PTPRN2: variants seen among roughly 807,000 people sequenced by gnomAD.
PTPRN2 encodes protein tyrosine phosphatase receptor type N2.
Under a neutral mutation model 118.8 loss-of-function variants are expected in PTPRN2, and 74 were observed. The ratio of observed to expected loss-of-function variants is 0.62; its 90% CI spans 0.52 to 0.76. The LOEUF (loss-of-function observed/expected upper bound fraction) is 0.76. Among genes scored for constraint, PTPRN2 ranks in the 30% least tolerant of loss-of-function variants. PTPRN2 has a pLI of 0.00. For missense variants in PTPRN2, 1,481 were observed against 1,394.4 expected (o/e 1.06, Z -0.99); for synonymous variants, 641 against 608.0 (o/e 1.05, Z -0.80).
At chr7:157,906,320 G>C (rs374883046) in intron 11 of PTPRN2, among the ~76,000 whole-genome samples, 16 of 152,248 alleles carry the variant, frequency 1.1e-4, no homozygotes, top group African/African-American at 3.6e-4. Context: ...GCCCAGGCGA[G>C]CTGCCGTGTC....
intron 22 of PTPRN2, among the ~76,000 whole-genome samples, chr7:157,548,170 C>T (rs1402190835): frequency 6.6e-6 from 1 of 152,088 alleles, no homozygotes; most frequent in African/African-American, 2.4e-5. Flanking sequence ...GAGCTGAGAT[C>T]GTGCCACTGC....
chr7:158,291,851 AAG>A (rs1800141720), intron 3 of PTPRN2, among the ~76,000 whole-genome samples: 1 of 152,210 alleles, frequency 6.6e-6, no homozygotes, highest in Non-Finnish European at 1.5e-5. Flanking sequence ...TTAACTCAAG[AAG>A]AGAGAGATGA....
At chr7:158,458,561 G>C (rs1030852344) in intron 2 of PTPRN2, among the ~76,000 whole-genome samples, 1 of 152,012 alleles carries the variant, frequency 6.6e-6, no homozygotes, top group South Asian at 2.1e-4. Flanking sequence ...GATGTCCCAC[G>C]AAGTCGACCG....
intron 11 of PTPRN2, among the ~76,000 whole-genome samples, chr7:157,983,687 C>G (rs1183251570): frequency 6.6e-6 from 1 of 152,178 alleles, no homozygotes; most frequent in African/African-American, 2.4e-5. Context: ...CACACGTGAG[C>G]TTGTGAGTGT....
rs115194143 is a variant in PTPRN2, at chr7:158,229,710, G to C, written c.278-24437C>G. On this transcript the variant is annotated intron_variant, in intron 3 of 22. Transcript: ENST00000389418. The stretch of plus-strand genomic sequence containing the variant: ...CAATCAGGGATGGAAAAAGAACAAA[G>C]AATGAAGAGGGATGAAGACCACTTG... Among the ~76,000 whole-genome samples the C allele has an allele frequency of 3.7e-3, 567 of 151,896 alleles. 4 individuals carry two copies. Among genetic ancestry groups the C allele is most frequent in the African/African-American group, 0.013 (546 of 41,474 alleles).
At chr7:157,572,536 G>T (rs978202052) in intron 19 of PTPRN2, among the ~76,000 whole-genome samples, 2 of 152,238 alleles carry the variant, frequency 1.3e-5, no homozygotes, top group Admixed American at 6.5e-5. Context: ...TGGAAGGAGA[G>T]GGGAGGTGAG....
chr7:158,186,549 C>T (rs1412329646), intron 5 of PTPRN2, among the ~76,000 whole-genome samples: 2 of 150,782 alleles, frequency 1.3e-5, no homozygotes, highest in African/African-American at 4.9e-5. Flanking sequence ...CTCACCTGCC[C>T]CCTCCGTCAG....
intron 3 of PTPRN2, among the ~76,000 whole-genome samples, chr7:158,301,779 T>C (rs1466858939): frequency 2.0e-5 from 3 of 152,072 alleles, no homozygotes; most frequent in African/African-American, 7.2e-5. Flanking sequence ...CAAAACCCCA[T>C]CTCTGCCAAA....
rs1801735068 is a variant in PTPRN2 at position 157,964,140 on chromosome 7, T to C, written c.1724-65403A>G. On this transcript the variant is annotated intron_variant, in intron 11 of 22. Coordinates refer to ENST00000389418, the MANE Select transcript of PTPRN2 (RefSeq NM_002847.5). This position sits in a 1 kb window ranked among gnomAD's most constrained non-coding sequence, Gnocchi z 9.0. ...GACCTCCCTCTGTGTGGGACCCCCG[T>C]TCCCACTGGCACACCATGGGGACAG... is the stretch of plus-strand genomic sequence containing the variant. 6.6e-6 allele frequency among the ~76,000 whole-genome samples: 1 copy of C among 152,160 alleles called. No individual in the cohort carries two copies. The highest frequency in any genetic ancestry group is 6.5e-5 in the Admixed American group (1 of 15,282).
At chr7:157,727,135 T>C (rs761822218) in intron 12 of PTPRN2, among the ~76,000 whole-genome samples, 1 of 152,138 alleles carries the variant, frequency 6.6e-6, no homozygotes, top group Non-Finnish European at 1.5e-5. Context: ...TGGGTGTCCA[T>C]GGAGAACAAC....
At chr7:158,333,919 C>T (rs866501395) in intron 2 of PTPRN2, among the ~76,000 whole-genome samples, 1 of 110,982 alleles carries the variant, frequency 9.0e-6, no homozygotes, top group African/African-American at 3.7e-5. Flanking sequence ...TCACTCACAC[C>T]CACACTCTCA....
Position 157,855,612 on chromosome 7 carries a change from G to A in PTPRN2, c.1788+43061C>T, listed in dbSNP as rs183841098. ...ATGTAGTGATGGGGCTTCCCTGGAA[G>A]GGGGGATGTCAGGAATAGCCCTCAC... On this transcript the variant is annotated intron_variant, in intron 12 of 22. Transcript: ENST00000389418. 1.6e-3 allele frequency among the ~76,000 whole-genome samples: 245 copies of A among 152,318 alleles called. 2 individuals are homozygous for A. In the South Asian group the frequency reaches 0.032, roughly 20 times the overall value.
At chr7:157,945,652 C>A (rs35084202) in intron 11 of PTPRN2, among the ~76,000 whole-genome samples, 35,051 of 150,650 alleles carry the variant, frequency 0.23, 5,797 homozygotes, top group East Asian at 0.46. Context: ...CCAAGTCAGA[C>A]GATGCCGCCT....
chr7:157,879,474 AT>A (rs1795994452), intron 12 of PTPRN2, among the ~76,000 whole-genome samples: 1 of 152,190 alleles, frequency 6.6e-6, no homozygotes. Flanking sequence ...AATCATACAT[AT>A]TTCATTAAGC....
chr7:158,096,138 A>G (rs1291857868), intron 10 of PTPRN2, among the ~76,000 whole-genome samples: 1 of 152,238 alleles, frequency 6.6e-6, no homozygotes, highest in Non-Finnish European at 1.5e-5. Flanking sequence ...ATGTATTGCA[A>G]ACCTCCACAG....
At chr7:158,350,204 T>C (rs1373677452) in intron 2 of PTPRN2, among the ~76,000 whole-genome samples, 1 of 152,232 alleles carries the variant, frequency 6.6e-6, no homozygotes, top group Non-Finnish European at 1.5e-5. Flanking sequence ...GCATTGACCC[T>C]GAGGCCCTAA....
At position 157,687,594 on chromosome 7, in the gene PTPRN2, T is replaced by A. The variant is rs530125925; in HGVS notation, c.1789-4657A>T. Among the ~76,000 whole-genome samples the A allele has an allele frequency of 7.2e-5, 11 of 152,356 alleles. No homozygotes were observed. In the South Asian group the frequency reaches 2.3e-3, roughly 32 times the overall value. ...TGCATTTAAATTACTAAATTATAAA[T>A]ACCTTTTTCTCTTAAAACTTAGAAG... On this transcript the variant is annotated intron_variant, in intron 12 of 22. Transcript: ENST00000389418.
intron 12 of PTPRN2, among the ~76,000 whole-genome samples, chr7:157,895,735 C>A (rs1216137541): frequency 6.6e-6 from 1 of 152,006 alleles, no homozygotes; most frequent in Non-Finnish European, 1.5e-5. Context: ...GTGGATGGAA[C>A]AAGAAGGTCC....
At chr7:158,006,145 G>A (rs573958436) in intron 11 of PTPRN2, among the ~76,000 whole-genome samples, 8 of 152,138 alleles carry the variant, frequency 5.3e-5, no homozygotes, top group Admixed American at 3.9e-4. Context: ...GGCAGCACAG[G>A]CACCTGCAAC....
Sources: allele counts gnomAD v4.1 joint callset (sites outside exome capture counted in the v4.1 genomes callset), GRCh38; gene constraint gnomAD v4.1.1; non-coding constraint Gnocchi (gnomAD v3.1); transcripts MANE v1.5; gene names NCBI Gene and HGNC (gene_info 2026-07-23, HGNC 2026-07-21).